KCNS3: variants seen among roughly 807,000 people sequenced by gnomAD.
KCNS3 encodes delayed-rectifier potassium channel regulatory subunit KCNS3.
Under a neutral mutation model 31.0 loss-of-function variants are expected in KCNS3, and 13 were observed. The ratio of observed to expected loss-of-function variants is 0.42; its 90% CI spans 0.27 to 0.67. The LOEUF (loss-of-function observed/expected upper bound fraction) is 0.67. KCNS3 is among the 30% of genes least tolerant of loss of function. KCNS3 has a pLI of 0.25. For synonymous variants in KCNS3, 238 were observed against 241.5 expected, an observed-to-expected ratio of 0.99 and a Z score of 0.13; for missense variants, 545 against 622.4, an observed-to-expected ratio of 0.88 and a Z score of 1.32.
chr2:17,890,386 A>G (rs570535877), intron 1 of KCNS3, among the ~76,000 whole-genome samples: 14 of 98,528 alleles, frequency 1.4e-4, no homozygotes, highest in Non-Finnish European at 2.4e-4. Flanking sequence ...TTTTTGTTTC[A>G]TTTATCTTTT....
In KCNS3 at chr2:17,931,324, T is replaced by G; in HGVS notation, c.316T>G (p.Trp106Gly). 2.5e-6 allele frequency: 4 copies of G among 1,614,160 alleles called. No homozygotes were observed. The highest frequency in any genetic ancestry group is 3.4e-6 in the Non-Finnish European group (4 of 1,180,034). ...CTCATTCTGCCAGGAGATCGAGTACTGGGGCATCAACGAGCTCTTCATTGA... is the reference window on the plus strand; with the variant it reads ...CTCATTCTGCCAGGAGATCGAGTACGGGGGCATCAACGAGCTCTTCATTGA... ...VFSFCQEIEY[W>G]GINELFIDSC... Residue 106 changes from tryptophan (W) to glycine (G), a missense_variant, in exon 3 of 3, where the codon TGG (tryptophan) becomes GGG (glycine). Trp to Gly is a radical substitution (Grantham distance 184). Coordinates refer to ENST00000304101, the MANE Select transcript of KCNS3 (RefSeq NM_002252.5). The surrounding 1 kb of genome is among the most constrained non-coding windows in gnomAD (Gnocchi z 5.4).
intron 1 of KCNS3, among the ~76,000 whole-genome samples, chr2:17,902,434 T>G (rs1272799425): frequency 6.6e-6 from 1 of 152,106 alleles, no homozygotes; most frequent in Non-Finnish European, 1.5e-5. Context: ...AAAATAGTAC[T>G]TTATTTGTCC....
intron 1 of KCNS3, among the ~76,000 whole-genome samples, chr2:17,892,480 T>G (rs1661883005): frequency 6.6e-6 from 1 of 152,044 alleles, no homozygotes; most frequent in Non-Finnish European, 1.5e-5. Context: ...GGTGAACTAG[T>G]GTGATTTTTT....
intron 1 of KCNS3, among the ~76,000 whole-genome samples, chr2:17,911,548 C>T (rs1009516414): frequency 2.0e-5 from 3 of 152,062 alleles, no homozygotes; most frequent in African/African-American, 7.2e-5. Context: ...AAGAAATGTA[C>T]ACAATGTTGA....
At chr2:17,923,862 T>C (rs1227731948) in intron 2 of KCNS3, among the ~76,000 whole-genome samples, 1 of 151,900 alleles carries the variant, frequency 6.6e-6, no homozygotes, top group African/African-American at 2.4e-5. Context: ...ATTTCTGAAG[T>C]TTTAGAATTT....
rs1171370649 is a variant in KCNS3, at chr2:17,923,990, G to GTGA, written c.-60+6120_-60+6122dup. 2.6e-5 allele frequency among the ~76,000 whole-genome samples: 4 copies of GTGA among 151,822 alleles called. 1 individual carries two copies. The highest frequency in any genetic ancestry group is 9.7e-5 in the African/African-American group (4 of 41,396). Reference sequence around the variant, plus strand: ...TTAACAATAATAAATCTTTCAATCCGTGAACATTGGGTGTCTTTCTATTCA... The same window carrying GTGA: ...TTAACAATAATAAATCTTTCAATCCGTGATGAACATTGGGTGTCTTTCTATTCA... On this transcript the variant is annotated intron_variant, in intron 2 of 2. Coordinates refer to ENST00000304101, the MANE Select transcript of KCNS3 (RefSeq NM_002252.5).
At chr2:17,898,529 A>G (rs979136957) in intron 1 of KCNS3, among the ~76,000 whole-genome samples, 7 of 152,086 alleles carry the variant, frequency 4.6e-5, no homozygotes, top group Non-Finnish European at 8.8e-5. Flanking sequence ...AGCTTCACAT[A>G]GCCATCTGAA....
chr2:17,885,753 C>T (rs941426834), intron 1 of KCNS3, among the ~76,000 whole-genome samples: 1 of 152,168 alleles, frequency 6.6e-6, no homozygotes, highest in Non-Finnish European at 1.5e-5. Context: ...AATTTATATG[C>T]CAGTCTCTTC....
At chr2:17,903,446 A>T (rs530254794) in intron 1 of KCNS3, among the ~76,000 whole-genome samples, 10 of 152,148 alleles carry the variant, frequency 6.6e-5, no homozygotes, top group Admixed American at 4.6e-4. Context: ...GGGGTTATTG[A>T]CATTTTATTT....
chr2:17,909,655 G>A (rs1002027381), intron 1 of KCNS3, among the ~76,000 whole-genome samples: 1 of 152,192 alleles, frequency 6.6e-6, no homozygotes, highest in Non-Finnish European at 1.5e-5. Context: ...TGTTCTTGTT[G>A]AGAAGATATC....
intron 1 of KCNS3, among the ~76,000 whole-genome samples, chr2:17,888,876 G>A (rs967223085): frequency 7.9e-5 from 12 of 151,538 alleles, no homozygotes; most frequent in African/African-American, 2.9e-4. Flanking sequence ...CTCCAGATTT[G>A]TTCTTTTTGC....
chr2:17,885,418 C>G (rs1661622324), intron 1 of KCNS3, among the ~76,000 whole-genome samples: 1 of 152,186 alleles, frequency 6.6e-6, no homozygotes, highest in Non-Finnish European at 1.5e-5. Flanking sequence ...TCTAGACAAA[C>G]AGAACCAATA....
intron 1 of KCNS3, among the ~76,000 whole-genome samples, chr2:17,893,506 A>G (rs888384186): frequency 2.0e-5 from 3 of 151,892 alleles, no homozygotes; most frequent in Non-Finnish European, 4.4e-5. Context: ...GTTGAATTTT[A>G]CCCCCTGCAT....
At chr2:17,907,829 G>A (rs549485327) in intron 1 of KCNS3, among the ~76,000 whole-genome samples, 4 of 152,328 alleles carry the variant, frequency 2.6e-5, no homozygotes, top group South Asian at 2.1e-4. Context: ...TAAGAGATCC[G>A]CTGTTAGTCT....
rs931527125 is a variant in KCNS3, at chr2:17,911,367, G to A, written c.-251-6313G>A. Among the ~76,000 whole-genome samples the A allele has an allele frequency of 5.3e-5, 8 of 152,322 alleles. No homozygotes were observed. In the East Asian group the frequency reaches 1.3e-3, roughly 26 times the overall value. ...TTAGCTCAGGATAGTGGAGGGCTTT[G>A]GCTGGGGGCTGGGGATCCTTTCTCA... On this transcript the variant is annotated intron_variant, in intron 1 of 2. Coordinates refer to ENST00000304101, the MANE Select transcript of KCNS3 (RefSeq NM_002252.5).
At chr2:17,913,889 A>G (rs1662527171) in intron 1 of KCNS3, among the ~76,000 whole-genome samples, 1 of 151,944 alleles carries the variant, frequency 6.6e-6, no homozygotes, top group Admixed American at 6.6e-5. Flanking sequence ...GCTGCTAAAC[A>G]CTCTACTGTG....
At chr2:17,915,699 G>T (rs1332243201) in intron 1 of KCNS3, among the ~76,000 whole-genome samples, 3 of 152,222 alleles carry the variant, frequency 2.0e-5, no homozygotes, top group Non-Finnish European at 4.4e-5. Flanking sequence ...TTAGCTTCTT[G>T]TGGGTCTCAG....
Position 17,915,679 on chromosome 2 carries a change from A to T in KCNS3, c.-251-2001A>T, listed in dbSNP as rs545102112. Among the ~76,000 whole-genome samples the T allele has an allele frequency of 3.9e-5, 6 of 152,322 alleles. No homozygotes were observed. The East Asian group carries it at 1.2e-3, about 29-fold the overall frequency. ...CAGAGGAGATGTGTGTAAAAATCCT[A>T]AAAAGGTGCTTAGCTTCTTGTGGGT... On this transcript the variant is annotated intron_variant, in intron 1 of 2. Coordinates refer to ENST00000304101, the MANE Select transcript of KCNS3 (RefSeq NM_002252.5).
At position 17,932,770 on chromosome 2, in the gene KCNS3, G is replaced by T. The variant is rs1663033963; in HGVS notation, c.*286G>T. Reference sequence around the variant, plus strand: ...GGTGGGGTTTGTGGCTACAGCTTATGCATCATTCTGTGTTTGTCATTTACT... The same window carrying T: ...GGTGGGGTTTGTGGCTACAGCTTATTCATCATTCTGTGTTTGTCATTTACT... On this transcript the variant is annotated 3_prime_UTR_variant, in exon 3 of 3. Transcript: ENST00000304101. 1 of 299,890 alleles carries T rather than the reference G, an allele frequency of 3.3e-6. No homozygotes were observed. The highest frequency in any genetic ancestry group is 7.6e-5 in the East Asian group (1 of 13,198). The allele number at this position is 299,890 out of a possible 1,614,324, so 18.6% of individuals were successfully genotyped here. A position where few individuals can be genotyped will look rare whatever the true frequency, so the allele number is the denominator to read the frequency against.
Sources: gnomAD v4.1 joint callset for allele counts (sites outside exome capture counted in the v4.1 genomes callset) on GRCh38, gnomAD v4.1.1 for gene constraint, Gnocchi (gnomAD v3.1) non-coding constraint, MANE v1.5 for transcripts, NCBI Gene and HGNC (gene_info 2026-07-23, HGNC 2026-07-21) for gene names.